WDR75: variants seen among roughly 807,000 people sequenced by gnomAD.
WDR75 encodes the protein WD repeat-containing protein 75.
Under a neutral mutation model 106.1 loss-of-function variants are expected in WDR75, and 52 were observed. That is an observed-to-expected ratio of 0.49 (90% confidence interval 0.39 to 0.62). WDR75 has a LOEUF of 0.62. Ranked by LOEUF, WDR75 falls within the 20% of genes least tolerant of loss-of-function variation. WDR75 has a pLI of 0.00. For synonymous variants in WDR75, 333 were observed against 335.5 expected, an observed-to-expected ratio of 0.99 and a Z score of 0.08; for missense variants, 905 against 970.3, an observed-to-expected ratio of 0.93 and a Z score of 0.89.
chr2:189,454,377 A>G (rs1028987459), intron 4 of WDR75, among the ~76,000 whole-genome samples: 1 of 152,144 alleles, frequency 6.6e-6, no homozygotes, highest in African/African-American at 2.4e-5. Flanking sequence ...TGGCAGGCCC[A>G]TCATAGCATT....
chr2:189,450,988 C>G lies in WDR75; in HGVS notation c.282+20C>G. The G allele has an allele frequency of 1.3e-6, 2 of 1,584,302 alleles. No individual in the cohort carries two copies. Among genetic ancestry groups the G allele is most frequent in the East Asian group, 4.6e-5 (2 of 43,440 alleles). Reference sequence around the variant, plus strand: ...ATAAAGGTATGTGGATTGATCTTTACTTTTCGTTATGTGAATAAAAAAAGG... The same window carrying G: ...ATAAAGGTATGTGGATTGATCTTTAGTTTTCGTTATGTGAATAAAAAAAGG... On this transcript the variant is annotated intron_variant, in intron 3 of 20. Coordinates refer to ENST00000314761, the MANE Select transcript of WDR75 (RefSeq NM_032168.3).
At chr2:189,461,669 C>T (rs1477462970) in intron 8 of WDR75, among the ~76,000 whole-genome samples, 1 of 152,056 alleles carries the variant, frequency 6.6e-6, no homozygotes, top group African/African-American at 2.4e-5. Flanking sequence ...TTGGCTATGC[C>T]TTGGTGTAGT....
At chr2:189,446,351 A>C (rs75581203) in intron 1 of WDR75, among the ~76,000 whole-genome samples, 3,959 of 152,298 alleles carry the variant, frequency 0.026, 79 homozygotes, top group Non-Finnish European at 0.044. Context: ...GACTGTAGGA[A>C]GCCCTGAAGA....
intron 4 of WDR75, among the ~76,000 whole-genome samples, chr2:189,452,882 G>A (rs201503323): frequency 6.6e-6 from 1 of 152,172 alleles, no homozygotes; most frequent in African/African-American, 2.4e-5. Flanking sequence ...TAGTGGGGCC[G>A]GGCATGATGG....
chr2:189,474,578 G>A (rs993296526), intron 19 of WDR75, 139 bp from the exon 20 acceptor site: 2 of 879,962 alleles, frequency 2.3e-6, no homozygotes, highest in Admixed American at 2.8e-5. Flanking sequence ...TCTTTGGTTT[G>A]GCTTTTGTAT....
At chr2:189,443,493 C>T (rs1472756339) in intron 1 of WDR75, among the ~76,000 whole-genome samples, 2 of 152,060 alleles carry the variant, frequency 1.3e-5, no homozygotes, top group African/African-American at 2.4e-5. Flanking sequence ...TTTAAGGGGA[C>T]GGCGGTAATC....
Position 189,449,713 on chromosome 2 carries a change from T to C in WDR75, c.217-1190T>C, listed in dbSNP as rs1686576049. On this transcript the variant is annotated intron_variant, in intron 2 of 20. Transcript: ENST00000314761. ...TTTTGACAGTAATTATATGTTTGACTTGTTACATTTTACTAGTCCATATTT... is the reference window on the plus strand; with the variant it reads ...TTTTGACAGTAATTATATGTTTGACCTGTTACATTTTACTAGTCCATATTT... 6 of 988,664 alleles carry C rather than the reference T, an allele frequency of 6.1e-6. No homozygotes were observed. In the South Asian group the frequency reaches 2.3e-4, roughly 38 times the overall value. The allele number at this position is 988,664 out of a possible 1,614,324, so 61.2% of individuals were successfully genotyped here.
At chr2:189,468,851 G>A (rs1214760819) in intron 15 of WDR75, among the ~76,000 whole-genome samples, 3 of 151,888 alleles carry the variant, frequency 2.0e-5, no homozygotes, top group Non-Finnish European at 2.9e-5. Context: ...CCCCATCCTC[G>A]TAACAATTTG....
chr2:189,450,502 TG>T (rs150046106), intron 2 of WDR75: 37,324 of 896,402 alleles, frequency 0.042, 916 homozygotes, highest in African/African-American at 0.081. Context: ...GGCTAATTTT[TG>T]TAGGGGTTTC....
At position 189,462,529 on chromosome 2, in the gene WDR75, G is replaced by T. The variant is rs777266750; in HGVS notation, c.824G>T (p.Trp275Leu). The T allele has an allele frequency of 1.7e-5, 28 of 1,613,948 alleles. No individual in the cohort carries two copies. In the Admixed American group the frequency reaches 4.7e-4, roughly 27 times the overall value. The stretch of plus-strand genomic sequence containing the variant: ...GGTCGTGAATCTGTACTTGTAGAGT[G>T]GCGCGATGCAACAGAGAAGAATAAG... ...SGGRESVLVE[W>L]RDATEKNKEF... The change falls in exon 9 of 21, where the codon TGG (tryptophan) becomes TTG (leucine). Residue 275 changes from tryptophan to leucine, a missense_variant. By Grantham distance (61) the Trp-to-Leu change is moderately conservative. Transcript: ENST00000314761.
At chr2:189,443,426 A>T (rs1262326564) in intron 1 of WDR75, among the ~76,000 whole-genome samples, 2 of 152,214 alleles carry the variant, frequency 1.3e-5, no homozygotes, top group Non-Finnish European at 2.9e-5. Context: ...GTTGGAAAGG[A>T]CACGTGCAGC....
chr2:189,460,333 C>T (rs546542063), intron 8 of WDR75, among the ~76,000 whole-genome samples: 16 of 152,016 alleles, frequency 1.1e-4, no homozygotes, highest in Non-Finnish European at 2.2e-4. Flanking sequence ...GCCCGGAAGC[C>T]CCAGGAAATA....
At chr2:189,442,001 G>A (rs991181977) in intron 1 of WDR75, among the ~76,000 whole-genome samples, 10 of 152,172 alleles carry the variant, frequency 6.6e-5, no homozygotes, top group African/African-American at 2.2e-4. Flanking sequence ...AGTGCATGAA[G>A]CATAGTGCAG....
chr2:189,474,814 G>GCAGTTCTTAAGA lies in WDR75; in HGVS notation c.2288+10_2288+21dup. The GCAGTTCTTAAGA allele has an allele frequency of 1.9e-6, 3 of 1,611,186 alleles. No homozygotes were observed. Among genetic ancestry groups the GCAGTTCTTAAGA allele is most frequent in the Non-Finnish European group, 2.5e-6 (3 of 1,177,412 alleles). The stretch of plus-strand genomic sequence containing the variant: ...CTGTCTAAAGAGACTAAGAGGTAAA[G>GCAGTTCTTAAGA]CAGTTCTTAAGACAGGTTTGGACAC... On this transcript the variant is annotated splice_region_variant and intron_variant, in intron 20 of 20. Coordinates refer to ENST00000314761, the MANE Select transcript of WDR75 (RefSeq NM_032168.3).
Position 189,475,520 on chromosome 2 carries a change from A to G in WDR75, c.*103A>G. On this transcript the variant is annotated 3_prime_UTR_variant, in exon 21 of 21. Coordinates refer to ENST00000314761, the MANE Select transcript of WDR75 (RefSeq NM_032168.3). Reference sequence around the variant, plus strand: ...TTATTTCTGTTCTAAAAATAAGATAATAAATATTAACAAACTTTGCTTTTT... The same window carrying G: ...TTATTTCTGTTCTAAAAATAAGATAGTAAATATTAACAAACTTTGCTTTTT... 1.3e-6 allele frequency: 1 copy of G among 748,464 alleles called. No individual in the cohort carries two copies. Among genetic ancestry groups the G allele is most frequent in the African/African-American group, 1.8e-5 (1 of 55,212 alleles). The allele number at this position is 748,464 out of a possible 1,614,324, so 46.4% of individuals were successfully genotyped here. A position where few individuals can be genotyped will look rare whatever the true frequency, so the allele number is the denominator to read the frequency against.
chr2:189,467,410 C>G lies in WDR75; in HGVS notation c.1448-58C>G. 2.0e-6 allele frequency: 3 copies of G among 1,507,288 alleles called. No homozygotes were observed. In the South Asian group the frequency reaches 4.1e-5, roughly 21 times the overall value. The allele number at this position is 1,507,288 out of a possible 1,614,324, so 93.4% of individuals were successfully genotyped here. On this transcript the variant is annotated intron_variant, in intron 13 of 20. Transcript: ENST00000314761. ...GATAATGGGAAACTAGGGGGAACTA[C>G]TGTAGCATTCTCTAGCATTTACACA...
chr2:189,472,141 T>G (rs1008091484), intron 18 of WDR75, among the ~76,000 whole-genome samples: 1 of 152,194 alleles, frequency 6.6e-6, no homozygotes, highest in Non-Finnish European at 1.5e-5. Flanking sequence ...TAGTCAAGTC[T>G]CTAAACTTGC....
At chr2:189,470,400 A>G (rs2105573642) in intron 17 of WDR75, among the ~76,000 whole-genome samples, 155 bp downstream of exon 17, 1 of 152,310 alleles carries the variant, frequency 6.6e-6, no homozygotes, top group South Asian at 2.1e-4. Context: ...CAGCAGCATT[A>G]TTAATGTAAA....
At chr2:189,453,785 T>C (rs1686674833) in intron 4 of WDR75, among the ~76,000 whole-genome samples, 1 of 150,866 alleles carries the variant, frequency 6.6e-6, no homozygotes, top group African/African-American at 2.4e-5. Context: ...TACAAAAACA[T>C]ATATTATACA....
Sources: allele counts gnomAD v4.1 joint callset (sites outside exome capture counted in the v4.1 genomes callset), GRCh38; gene constraint gnomAD v4.1.1; transcripts MANE v1.5; gene names NCBI Gene and HGNC (gene_info 2026-07-23, HGNC 2026-07-21).